Variants in PLA2G3 observed in about 807,000 individuals in gnomAD.
PLA2G3 encodes the protein phospholipase A2 group III, also known as group 3 secretory phospholipase A2.
A neutral mutation model predicts 51.3 loss-of-function variants in PLA2G3; 39 were observed. That is an observed-to-expected ratio of 0.76 (90% CI 0.59 to 0.99). The LOEUF (loss-of-function observed/expected upper bound fraction) is 0.99. Among genes scored for constraint, PLA2G3 ranks in the 50% least tolerant of loss-of-function variants. The probability of loss-of-function intolerance (pLI) is 0.00; values close to 1 mark genes in which losing one functional copy is unlikely to be tolerated. For missense variants in PLA2G3, 677 were observed against 662.1 expected (o/e 1.02, Z -0.25); for synonymous variants, 293 against 263.1 (o/e 1.11, Z -1.10).
chr22:31,139,131 T>C (rs1056297456), intron 1 of PLA2G3, among the ~76,000 whole-genome samples: 2 of 152,130 alleles, frequency 1.3e-5, no homozygotes, highest in Non-Finnish European at 2.9e-5. Flanking sequence ...TCCAAAATTA[T>C]GAATGTGTGT....
chr22:31,138,614 T>A lies in PLA2G3; in HGVS notation c.647+53A>T, dbSNP rs943213584. The A allele has an allele frequency of 7.5e-6, 12 of 1,606,782 alleles. No individual in the cohort carries two copies. In the African/African-American group the frequency reaches 1.3e-4, roughly 18 times the overall value. On this transcript the variant is annotated intron_variant, in intron 2 of 6. Coordinates refer to ENST00000215885, the MANE Select transcript of PLA2G3 (RefSeq NM_015715.5). ...TCCCAATGTCTAGTTACCCAGGAAC[T>A]GGGTAACTCTGCCCTGTCCCTGAGC...
rs922965684 is a variant in PLA2G3, at chr22:31,135,354, G to A, written c.*369C>T. 9.3e-6 allele frequency: 2 copies of A among 215,734 alleles called. No homozygotes were observed. The highest frequency in any genetic ancestry group is 4.6e-5 in the African/African-American group (2 of 43,910). 13.4% of individuals were successfully genotyped at this position (215,734 alleles called of 1,614,324 possible). The stretch of plus-strand genomic sequence containing the variant: ...GGTTTTTGAGGCATGTATTATTTTT[G>A]CAACACGGACATACATGTACCTCCT... On this transcript the variant is annotated 3_prime_UTR_variant, in exon 7 of 7. Coordinates refer to ENST00000215885, the MANE Select transcript of PLA2G3 (RefSeq NM_015715.5).
chr22:31,140,309 C>A lies in PLA2G3; in HGVS notation c.46G>T (p.Val16Leu), dbSNP rs896133812. 2 of 1,609,426 alleles carry A rather than the reference C, an allele frequency of 1.2e-6. No individual in the cohort carries two copies. Among genetic ancestry groups the A allele is most frequent in the Non-Finnish European group, 1.7e-6 (2 of 1,179,300 alleles). Reference sequence around the variant, plus strand: ...AGGGCAGGGGAGCCCCCCAGGGCCACCCCCAGGAAGCCCAGCATCCCAAAC... The same window carrying A: ...AGGGCAGGGGAGCCCCCCAGGGCCAACCCCAGGAAGCCCAGCATCCCAAAC... ...GLFGMLGFLG[V>L]ALGGSPALRW... Residue 16 changes from valine to leucine, a missense_variant, in exon 1 of 7, where the codon GTG becomes TTG. Val to Leu is a conservative substitution (Grantham distance 32). Coordinates refer to ENST00000215885, the MANE Select transcript of PLA2G3 (RefSeq NM_015715.5).
At position 31,134,827 on chromosome 22, in the gene PLA2G3, C is replaced by A. The variant is rs1800544237; in HGVS notation, c.*896G>T. 1 of 174,372 alleles carries A rather than the reference C, an allele frequency of 5.7e-6. No homozygotes were observed. The highest frequency in any genetic ancestry group is 2.4e-5 in the African/African-American group (1 of 42,326). 10.8% of individuals were successfully genotyped at this position (174,372 alleles called of 1,614,324 possible). ...CTGTATACATTACACATGCCATCTC[C>A]TTTAATCTGCATCACAACCCTGTGA... On this transcript the variant is annotated 3_prime_UTR_variant, in exon 7 of 7. Coordinates refer to ENST00000215885, the MANE Select transcript of PLA2G3 (RefSeq NM_015715.5).
At chr22:31,138,187 G>C in intron 3 of PLA2G3, 89 bp downstream of exon 3, 1 of 1,486,576 alleles carries the variant, frequency 6.7e-7, no homozygotes, top group Non-Finnish European at 9.2e-7. Flanking sequence ...TTCCCTGGAA[G>C]ACAGACAGAC....
At position 31,137,956 on chromosome 22, in the gene PLA2G3, G is replaced by T. The variant is rs2147895156; in HGVS notation, c.820C>A (p.Gln274Lys). Reference protein sequence around the residue: ...MYGTVPLARLQPRTFYNASWS... With the variant: ...MYGTVPLARLKPRTFYNASWS... ...GAGGCATTGTAGAAGGTCCTGGGCT[G>T]CAGGCGAGCGAGGGGCACTGTGCCG... The change falls in exon 4 of 7, where the codon CAG (glutamine) becomes AAG (lysine). Residue 274 changes from glutamine (Q) to lysine (K), a missense_variant. By Grantham distance (53) the Gln-to-Lys change is moderately conservative. Coordinates refer to ENST00000215885, the MANE Select transcript of PLA2G3 (RefSeq NM_015715.5). 3.8e-6 allele frequency: 6 copies of T among 1,596,840 alleles called. No individual in the cohort carries two copies. The East Asian group carries it at 1.3e-4, about 36-fold the overall frequency.
chr22:31,136,183 A>G (rs917322710), intron 6 of PLA2G3, among the ~76,000 whole-genome samples: 1 of 152,228 alleles, frequency 6.6e-6, no homozygotes, highest in African/African-American at 2.4e-5. Context: ...GAAATGGGAA[A>G]GTTAAGAAGG....
intron 6 of PLA2G3, among the ~76,000 whole-genome samples, chr22:31,136,392 G>A (rs879412169): frequency 6.6e-6 from 1 of 152,160 alleles, no homozygotes; most frequent in Non-Finnish European, 1.5e-5. Context: ...GCATCCTGCC[G>A]TTTCCTTGGT....
Position 31,138,678 on chromosome 22 carries a change from G to A in PLA2G3, c.636C>T (p.Asp212=). ...TGCCTGCCACCAACCTGGTGTCACA[G>A]TCACAGTGGGAGATGGTGTGGAATC... The part of the protein sequence containing the change: ...NYRFHTISHC[D]CDTRFQQCLQ... The change falls in exon 2 of 7, where the codon GAC becomes GAT. Residue 212 remains aspartate, a synonymous_variant. Transcript: ENST00000215885. 6.2e-7 allele frequency: 1 copy of A among 1,614,168 alleles called. No homozygotes were observed. Among genetic ancestry groups the A allele is most frequent in the Non-Finnish European group, 8.5e-7 (1 of 1,180,012 alleles).
At position 31,140,121 on chromosome 22, in the gene PLA2G3, C is replaced by T. The variant is rs376117802; in HGVS notation, c.234G>A (p.Glu78=). Residue 78 remains glutamate (E), a synonymous_variant, in exon 1 of 7, where the codon GAG becomes GAA. Transcript: ENST00000215885. ...LQSCSWEDEP[E]LTAAYGALCA... is the part of the protein sequence containing the mutation. ...AGAGAGCACCGTAGGCTGCGGTGAG[C>T]TCCGGCTCATCCTCCCAGCTACATG... 4.1e-5 allele frequency: 66 copies of T among 1,612,998 alleles called. No homozygotes were observed. Among genetic ancestry groups the T allele is most frequent in the Non-Finnish European group, 5.6e-5 (66 of 1,180,024 alleles).
In PLA2G3 at chr22:31,140,359, C is replaced by T. The variant is rs781690498; in HGVS notation, c.-5G>A. 6.9e-6 allele frequency: 11 copies of T among 1,582,998 alleles called. No individual in the cohort carries two copies. Among genetic ancestry groups the T allele is most frequent in the Middle Eastern group, 1.7e-4 (1 of 5,958 alleles). ...CAGCCCTGCCTGAACCCCCATTCTGCACTGGCCCAGTCCAGTCAGACAAAG... is the reference window on the plus strand; with the variant it reads ...CAGCCCTGCCTGAACCCCCATTCTGTACTGGCCCAGTCCAGTCAGACAAAG... On this transcript the variant is annotated 5_prime_UTR_variant, in exon 1 of 7. Coordinates refer to ENST00000215885, the MANE Select transcript of PLA2G3 (RefSeq NM_015715.5).
intron 6 of PLA2G3, among the ~76,000 whole-genome samples, chr22:31,136,466 A>C (rs529974210): frequency 6.6e-6 from 1 of 152,312 alleles, no homozygotes; most frequent in African/African-American, 2.4e-5. Flanking sequence ...TGCCAAGGTC[A>C]TGTGGGAATC....
rs1922571497 is a variant in PLA2G3, at chr22:31,136,552, G to A, written c.1316+131C>T. On this transcript the variant is annotated intron_variant, in intron 6 of 6. Transcript: ENST00000215885. ...CTGGGGCAGCAGGGGGTAGAGGGATGAGGCTATGGATAGGAGCTCAGAGGT... is the reference window on the plus strand; with the variant it reads ...CTGGGGCAGCAGGGGGTAGAGGGATAAGGCTATGGATAGGAGCTCAGAGGT... The A allele has an allele frequency of 4.2e-6, 3 of 710,690 alleles. No homozygotes were observed. In the East Asian group the frequency reaches 7.8e-5, roughly 18 times the overall value. The allele number at this position is 710,690 out of a possible 1,614,324, so 44.0% of individuals were successfully genotyped here.
rs748888422 is a variant in PLA2G3, at chr22:31,138,278, G to C, written c.780C>G (p.Gly260=). ...QEACVAWYWW[G]GCRMYGTVPL... ...GACATGAGGGGGTGGCCACGTACCC[G>C]CCCCACCAGTACCACGCCACACACG... Residue 260 remains glycine (G), a splice_region_variant and synonymous_variant, in exon 3 of 7, where the codon GGC becomes GGG. Transcript: ENST00000215885. 2.5e-6 allele frequency: 4 copies of C among 1,613,360 alleles called. No homozygotes were observed. Among genetic ancestry groups the C allele is most frequent in the Non-Finnish European group, 3.4e-6 (4 of 1,179,786 alleles).
Position 31,135,923 on chromosome 22 carries a change from G to A in PLA2G3, c.1330C>T (p.Pro444Ser), listed in dbSNP as rs1248072486. The change falls in exon 7 of 7, where the codon CCT (proline) becomes TCT (serine). Residue 444 changes from proline to serine, a missense_variant. Coordinates refer to ENST00000215885, the MANE Select transcript of PLA2G3 (RefSeq NM_015715.5). ...CVEGKNCSRDPRAIRVSARHL... is the reference protein window; with the variant it reads ...CVEGKNCSRDSRAIRVSARHL... ...CGGGCTGACACCCTGATGGCCCTAG[G>A]GTCTCTGGAACAGCTGTAAGGAGAG... 2.5e-6 allele frequency: 4 copies of A among 1,613,388 alleles called. No homozygotes were observed. The highest frequency in any genetic ancestry group is 1.7e-5 in the Admixed American group (1 of 60,026).
chr22:31,137,916 G>T lies in PLA2G3; in HGVS notation c.860C>A (p.Ala287Asp), dbSNP rs771901707. The T allele has an allele frequency of 4.7e-5, 76 of 1,612,790 alleles. No individual in the cohort carries two copies. The Admixed American group carries it at 1.3e-3, about 27-fold the overall frequency. ...CCGGGAGCTGGGAGTTGGGGAGGTG[G>T]CCCGGGAGCTCCAGGAGGCATTGTA... ...TFYNASWSSR[A>D]TSPTPSSRSP... Residue 287 changes from alanine to aspartate, a missense_variant, in exon 4 of 7, where the codon GCC (alanine) becomes GAC (aspartate). Physicochemically the swap from Ala to Asp is moderately radical, Grantham distance 126. Coordinates refer to ENST00000215885, the MANE Select transcript of PLA2G3 (RefSeq NM_015715.5).
intron 6 of PLA2G3, 95 bp downstream of exon 6, chr22:31,136,588 C>T: frequency 1.0e-6 from 1 of 965,070 alleles, no homozygotes; most frequent in Non-Finnish European, 1.6e-6. Flanking sequence ...CTCCGGATCC[C>T]TTCCCCTACC....
At position 31,135,843 on chromosome 22, in the gene PLA2G3, A is replaced by T. The variant is rs147076956; in HGVS notation, c.1410T>A (p.Asp470Glu). 3.4e-5 allele frequency: 55 copies of T among 1,613,826 alleles called. No homozygotes were observed. In the African/African-American group the frequency reaches 6.4e-4, roughly 19 times the overall value. ...RRHQLQDKGT[D>E]ERQPWPSEPL... ...GCTCTGAAGGCCATGGCTGCCTCTC[A>T]TCTGTGCCTTTATCCTGGAGCTGGT... is the stretch of plus-strand genomic sequence containing the variant. The change falls in exon 7 of 7, where the codon GAT becomes GAA. Residue 470 changes from aspartate (D) to glutamate (E), a missense_variant. By Grantham distance (45) the Asp-to-Glu change is conservative. Coordinates refer to ENST00000215885, the MANE Select transcript of PLA2G3 (RefSeq NM_015715.5).
chr22:31,138,354 G>GC lies in PLA2G3; in HGVS notation c.703dup (p.Ala235GlyfsTer29), dbSNP rs776896627. 2 of 1,613,948 alleles carry GC rather than the reference G, an allele frequency of 1.2e-6. No individual in the cohort carries two copies. The highest frequency in any genetic ancestry group is 3.3e-5 in the Admixed American group (2 of 60,002). On this transcript the variant is annotated frameshift_variant, in exon 3 of 7. Transcript: ENST00000215885. LOFTEE classifies it high-confidence loss of function. ...GGGGATCTCCAGCACGTTGAAGAAGGCCACGCCCACGATGTCCGAGATGGA... is the reference window on the plus strand; with the variant it reads ...GGGGATCTCCAGCACGTTGAAGAAGGCCCACGCCCACGATGTCCGAGATGGA...
Sources: gnomAD v4.1 joint callset for allele counts (sites outside exome capture counted in the v4.1 genomes callset) on GRCh38, gnomAD v4.1.1 for gene constraint, MANE v1.5 for transcripts, NCBI Gene and HGNC (gene_info 2026-07-23, HGNC 2026-07-21) for gene names.